The following ZNF462 variants were observed in gnomAD, a reference collection of about 807,000 sequenced individuals.
ZNF462 encodes the protein zinc finger protein 462, also known as zinc finger PBX1-interacting protein.
Under a neutral mutation model 201.9 loss-of-function variants are expected in ZNF462, and 10 were observed. That is an observed-to-expected ratio of 0.05 (90% confidence interval 0.03 to 0.08). The LOEUF is 0.08. Ranked by LOEUF, ZNF462 falls within the 10% of genes least tolerant of loss-of-function variation. The pLI is 1.00. For missense variants in ZNF462, 2,523 were observed against 3,168.3 expected, an observed-to-expected ratio of 0.80 and a Z score of 4.89; for synonymous variants, 1,227 against 1,193.3, an observed-to-expected ratio of 1.03 and a Z score of -0.58.
chr9:106,882,503 C>T (rs933382580), intron 1 of ZNF462, among the ~76,000 whole-genome samples: 1 of 152,184 alleles, frequency 6.6e-6, no homozygotes, highest in Admixed American at 6.5e-5. Context: ...AACTACCCAT[C>T]TCTACAATCC....
intron 10 of ZNF462, among the ~76,000 whole-genome samples, chr9:107,001,041 TG>T (rs1564165502): frequency 1.3e-5 from 2 of 152,196 alleles, no homozygotes; most frequent in South Asian, 4.1e-4. Context: ...TTTTGTTTCC[TG>T]GTGACAGCCC....
intron 7 of ZNF462, among the ~76,000 whole-genome samples, chr9:106,947,214 T>C (rs978206955): frequency 1.3e-5 from 2 of 152,220 alleles, no homozygotes; most frequent in African/African-American, 4.8e-5. Context: ...AAGGAAGTGT[T>C]TGGCTGAGAA....
chr9:106,943,054 G>C (rs977708934), intron 7 of ZNF462, among the ~76,000 whole-genome samples: 1 of 111,688 alleles, frequency 9.0e-6, no homozygotes, highest in African/African-American at 3.7e-5. Flanking sequence ...TTTGTTTTGC[G>C]CGCGCGTGTG....
chr9:106,958,835 G>A (rs1211876181), intron 7 of ZNF462, among the ~76,000 whole-genome samples: 1 of 152,132 alleles, frequency 6.6e-6, no homozygotes, highest in Non-Finnish European at 1.5e-5. Context: ...GAAAGGATGG[G>A]AGTTGGAGTG....
rs1244067043 is a variant in ZNF462, at chr9:106,924,036, G to A, written c.221-97G>A. 1 of 1,058,172 alleles carries A rather than the reference G, an allele frequency of 9.5e-7. No individual in the cohort carries two copies. The highest frequency in any genetic ancestry group is 1.6e-5 in the African/African-American group (1 of 62,298). The allele number at this position is 1,058,172 out of a possible 1,614,324, so 65.5% of individuals were successfully genotyped here. The stretch of plus-strand genomic sequence containing the variant: ...AGACTTCAGGCCTTTTGCATGTGAT[G>A]TTTAGTAATGAAGAATAATTGGAAT... On this transcript the variant is annotated intron_variant, in intron 2 of 12. Coordinates refer to ENST00000277225, the MANE Select transcript of ZNF462 (RefSeq NM_021224.6). This position sits in a 1 kb window ranked among gnomAD's most constrained non-coding sequence, Gnocchi z 6.2.
At position 106,972,660 on chromosome 9, in the gene ZNF462, G is replaced by A. The variant is rs187744951; in HGVS notation, c.6695+388G>A. 3.3e-5 allele frequency among the ~76,000 whole-genome samples: 5 copies of A among 152,208 alleles called. No individual in the cohort carries two copies. The highest frequency in any genetic ancestry group is 1.3e-4 in the Admixed American group (2 of 15,282). ...AAGTCAAAGTCAAGAGAAAACATCC[G>A]GCAGTAGTGTCTTCCCTGCTCCCCT... On this transcript the variant is annotated intron_variant, in intron 8 of 12. Transcript: ENST00000277225. The surrounding 1 kb of genome is among the most constrained non-coding windows in gnomAD (Gnocchi z 4.8).
intron 1 of ZNF462, among the ~76,000 whole-genome samples, chr9:106,866,913 CT>C (rs892809921): frequency 2.0e-5 from 3 of 152,036 alleles, no homozygotes; most frequent in Non-Finnish European, 4.4e-5. Flanking sequence ...TTCATGATAT[CT>C]TTTTTTATTG....
Position 106,972,172 on chromosome 9 carries a change from T to C in ZNF462, c.6595T>C (p.Ser2199Pro). The C allele has an allele frequency of 6.2e-7, 1 of 1,614,254 alleles. No homozygotes were observed. The highest frequency in any genetic ancestry group is 2.2e-5 in the East Asian group (1 of 44,886). The change falls in exon 8 of 13, where the codon TCC becomes CCC. Residue 2199 changes from serine to proline, a missense_variant. Physicochemically the swap from Ser to Pro is moderately conservative, Grantham distance 74. Transcript: ENST00000277225. The surrounding 1 kb of genome is among the most constrained non-coding windows in gnomAD (Gnocchi z 4.8). ...AVLHCEFCEFSSGYIQSIRRH... is the reference protein window; with the variant it reads ...AVLHCEFCEFPSGYIQSIRRH... ...GCTTCACTGCGAATTCTGTGAATTCTCCTCCGGCTACATCCAGAGCATCAG... is the reference window on the plus strand; with the variant it reads ...GCTTCACTGCGAATTCTGTGAATTCCCCTCCGGCTACATCCAGAGCATCAG...
Position 107,008,251 on chromosome 9 carries a change from A to G in ZNF462, c.7190-1294A>G, listed in dbSNP as rs911985582. Among the ~76,000 whole-genome samples, 16 of 152,222 alleles carry G rather than the reference A, an allele frequency of 1.1e-4. No homozygotes were observed. Among genetic ancestry groups the G allele is most frequent in the African/African-American group, 3.6e-4 (15 of 41,452 alleles). ...AGCAGATGGTGCTGTCTCATTTCCA[A>G]TGAAAAGAATCAAGGAAGATAGTCT... On this transcript the variant is annotated intron_variant, in intron 11 of 12. Coordinates refer to ENST00000277225, the MANE Select transcript of ZNF462 (RefSeq NM_021224.6). The surrounding 1 kb of genome is among the most constrained non-coding windows in gnomAD (Gnocchi z 4.8).
rs927526516 is a variant in ZNF462 at position 106,970,142 on chromosome 9, G to A, written c.6428-1863G>A. ...CTAGGGTAGAGGAATAAAGAAAAAGGAGATAAAAGAACTGGGTAAAATGAA... is the reference window on the plus strand; with the variant it reads ...CTAGGGTAGAGGAATAAAGAAAAAGAAGATAAAAGAACTGGGTAAAATGAA... On this transcript the variant is annotated intron_variant, in intron 7 of 12. Transcript: ENST00000277225. The surrounding 1 kb of genome is among the most constrained non-coding windows in gnomAD (Gnocchi z 4.2). Among the ~76,000 whole-genome samples the A allele has an allele frequency of 6.6e-6, 1 of 152,206 alleles. No individual in the cohort carries two copies. Among genetic ancestry groups the A allele is most frequent in the African/African-American group, 2.4e-5 (1 of 41,460 alleles).
At chr9:106,911,267 G>C (rs1367592877) in intron 1 of ZNF462, among the ~76,000 whole-genome samples, 3 of 152,146 alleles carry the variant, frequency 2.0e-5, no homozygotes, top group African/African-American at 7.2e-5. Context: ...TTAAATATTT[G>C]CAAACAGTAG....
At chr9:106,969,162 A>G (rs61654418) in intron 7 of ZNF462, among the ~76,000 whole-genome samples, 3,388 of 152,310 alleles carry the variant, frequency 0.022, 138 homozygotes, top group African/African-American at 0.076. Flanking sequence ...CATTATTACA[A>G]ATGTGTCCTA....
chr9:106,924,872 C>T lies in ZNF462; in HGVS notation c.960C>T (p.Phe320=), dbSNP rs779628922. 2.5e-6 allele frequency: 4 copies of T among 1,614,204 alleles called. No homozygotes were observed. In the South Asian group the frequency reaches 4.4e-5, roughly 18 times the overall value. Residue 320 remains phenylalanine, a synonymous_variant, in exon 3 of 13, where the codon TTC becomes TTT. Transcript: ENST00000277225. This position sits in a 1 kb window ranked among gnomAD's most constrained non-coding sequence, Gnocchi z 6.2. ...TACCCAATACTACCGTCTCCAACTT[C>T]AGGGGCTCCATGGGCAACTCCATCA... The part of the protein sequence containing the change: ...REIPNTTVSN[F]RGSMGNSIMR...
intron 1 of ZNF462, among the ~76,000 whole-genome samples, chr9:106,866,877 A>C (rs768322037): frequency 6.6e-6 from 1 of 152,220 alleles, no homozygotes; most frequent in South Asian, 2.1e-4. Flanking sequence ...ACATAAGTAC[A>C]TTATATATTG....
At chr9:106,998,110 A>C (rs77016269) in intron 10 of ZNF462, among the ~76,000 whole-genome samples, 1 of 152,154 alleles carries the variant, frequency 6.6e-6, no homozygotes, top group East Asian at 1.9e-4. Flanking sequence ...CAAAATCTTC[A>C]CAGCGCTGCA....
At chr9:106,946,632 T>C (rs146301906) in intron 7 of ZNF462, among the ~76,000 whole-genome samples, 1 of 152,098 alleles carries the variant, frequency 6.6e-6, no homozygotes, top group East Asian at 1.9e-4. Flanking sequence ...GAGTCGAGGG[T>C]ATGTCCTCGG....
intron 1 of ZNF462, among the ~76,000 whole-genome samples, chr9:106,888,412 G>T (rs1232502749): frequency 6.6e-6 from 1 of 152,184 alleles, no homozygotes; most frequent in Non-Finnish European, 1.5e-5. Context: ...ACAATACTTT[G>T]CCCTGAATAG....
In ZNF462 at chr9:106,917,164, G is replaced by A. The variant is rs1829808326; in HGVS notation, c.-30-6190G>A. Among the ~76,000 whole-genome samples the A allele has an allele frequency of 6.6e-6, 1 of 152,174 alleles. No homozygotes were observed. The highest frequency in any genetic ancestry group is 1.9e-4 in the East Asian group (1 of 5,198). On this transcript the variant is annotated intron_variant, in intron 1 of 12. Coordinates refer to ENST00000277225, the MANE Select transcript of ZNF462 (RefSeq NM_021224.6). This position sits in a 1 kb window ranked among gnomAD's most constrained non-coding sequence, Gnocchi z 4.5. ...ACCTGCTTTCATAACAGGTCACTCA[G>A]CCGGAATGACTTCTTATTTACATAT...
chr9:106,862,692 C>A (rs939184259), upstream of ZNF462, among the ~76,000 whole-genome samples: 3 of 152,122 alleles, frequency 2.0e-5, no homozygotes, highest in Admixed American at 2.0e-4. The surrounding 1 kb of genome is among the most constrained non-coding windows in gnomAD (Gnocchi z 4.2). Context: ...AACTTTGCAA[C>A]CACCTTGCCT....
Sources: allele counts gnomAD v4.1 joint callset (sites outside exome capture counted in the v4.1 genomes callset), GRCh38; gene constraint gnomAD v4.1.1; non-coding constraint Gnocchi (gnomAD v3.1); transcripts MANE v1.5; gene names NCBI Gene and HGNC (gene_info 2026-07-23, HGNC 2026-07-21).